The following SLC3A1 variants were observed in gnomAD, a reference collection of about 807,000 sequenced individuals.
SLC3A1 encodes the protein solute carrier family 3 member 1, also known as amino acid transporter heavy chain SLC3A1.
In SLC3A1, 78 loss-of-function variants were observed where a neutral mutation model predicts 60.3. That is an observed-to-expected ratio of 1.29 (90% CI 1.08 to 1.56). SLC3A1 has a LOEUF of 1.56. SLC3A1 is among the 40% of genes most tolerant of loss of function. The pLI is 0.00. For missense variants in SLC3A1, 1,172 were observed against 858.9 expected (o/e 1.36, Z -4.56); for synonymous variants, 392 against 307.9 (o/e 1.27, Z -2.86).
rs1464936895 is a variant in SLC3A1 at position 44,278,288 on chromosome 2, T to C, written c.430+2323T>C. ...TGAAACCCCGTCTCTACTAAAAAAATACAAAAAAAATCAGCTGGGCGTGGT... is the reference window on the plus strand; with the variant it reads ...TGAAACCCCGTCTCTACTAAAAAAACACAAAAAAAATCAGCTGGGCGTGGT... On this transcript the variant is annotated intron_variant, in intron 1 of 9. Transcript: ENST00000260649. Among the ~76,000 whole-genome samples the C allele has an allele frequency of 4.0e-5, 6 of 151,104 alleles. No homozygotes were observed. The South Asian group carries it at 1.3e-3, about 32-fold the overall frequency.
rs1305070369 is a variant in SLC3A1 at position 44,320,823 on chromosome 2, A to C, written c.*184A>C. 5 of 628,690 alleles carry C rather than the reference A, an allele frequency of 8.0e-6. 1 individual carries two copies. Among genetic ancestry groups the C allele is most frequent in the South Asian group, 7.6e-5 (4 of 52,528 alleles). 38.9% of individuals were successfully genotyped at this position (628,690 alleles called of 1,614,324 possible). On this transcript the variant is annotated 3_prime_UTR_variant, in exon 10 of 10. Coordinates refer to ENST00000260649, the MANE Select transcript of SLC3A1 (RefSeq NM_000341.4). ...GAAAAAAATAAAATGTTTAAAAGTA[A>C]ATTATGGCTTATAGGAGCTTATAAC...
At chr2:44,313,104 C>A (rs1447144187) in intron 8 of SLC3A1, among the ~76,000 whole-genome samples, 3 of 152,122 alleles carry the variant, frequency 2.0e-5, no homozygotes, top group Admixed American at 2.0e-4. Context: ...GAATATGACT[C>A]ATTTCCCTCT....
At chr2:44,298,664 C>T (rs1431543679) in intron 4 of SLC3A1, among the ~76,000 whole-genome samples, 2 of 152,174 alleles carry the variant, frequency 1.3e-5, no homozygotes, top group East Asian at 1.9e-4. Context: ...AGGCGTGAGC[C>T]GCTGCGCCCG....
At position 44,281,508 on chromosome 2, in the gene SLC3A1, T is replaced by C. The variant is rs1671499422; in HGVS notation, c.732T>C (p.His244=). 3 of 1,614,010 alleles carry C rather than the reference T, an allele frequency of 1.9e-6. No individual in the cohort carries two copies. The highest frequency in any genetic ancestry group is 2.2e-5 in the East Asian group (1 of 44,890). The part of the protein sequence containing the change: ...TDYYIWHDCT[H]ENGKTIPPNN... ...ATTATATCTGGCATGACTGTACCCA[T>C]GAAAATGGCAAAACCATTCCACCCA... The change falls in exon 3 of 10, where the codon CAT becomes CAC. Residue 244 remains histidine, a synonymous_variant. Transcript: ENST00000260649.
intron 4 of SLC3A1, among the ~76,000 whole-genome samples, chr2:44,291,534 G>C: frequency 6.6e-6 from 1 of 152,186 alleles, no homozygotes; most frequent in East Asian, 1.9e-4. Context: ...GACTGGTTTA[G>C]AAGATTTACT....
At chr2:44,306,269 C>T (rs932786752) in intron 7 of SLC3A1, among the ~76,000 whole-genome samples, 6 of 152,314 alleles carry the variant, frequency 3.9e-5, no homozygotes, top group African/African-American at 1.4e-4. Context: ...CTATCTTACA[C>T]AGCCTGATGA....
At chr2:44,294,366 G>A (rs1671803190) in intron 4 of SLC3A1, among the ~76,000 whole-genome samples, 1 of 151,740 alleles carries the variant, frequency 6.6e-6, no homozygotes, top group Non-Finnish European at 1.5e-5. Context: ...TTAGCCAGAT[G>A]TGGTGACGGG....
chr2:44,319,638 C>G (rs765153997), intron 9 of SLC3A1: 3 of 152,976 alleles, frequency 2.0e-5, no homozygotes, highest in Non-Finnish European at 4.4e-5. Flanking sequence ...AAAAAGTCTA[C>G]AATTTCTAAC....
rs1672903556 is a variant in SLC3A1, at chr2:44,321,128, A to C, written c.*489A>C. 2.0e-6 allele frequency: 1 copy of C among 509,386 alleles called. No individual in the cohort carries two copies. Among genetic ancestry groups the C allele is most frequent in the Non-Finnish European group, 3.6e-6 (1 of 281,266 alleles). The allele number at this position is 509,386 out of a possible 1,614,324, so 31.6% of individuals were successfully genotyped here. ...CCCTCTACTCCACATCCTTCTAAGG[A>C]GCATGATTTGAAAATTACTTTCCTA... On this transcript the variant is annotated 3_prime_UTR_variant, in exon 10 of 10. Coordinates refer to ENST00000260649, the MANE Select transcript of SLC3A1 (RefSeq NM_000341.4).
chr2:44,302,821 C>T (rs977607745), intron 6 of SLC3A1, among the ~76,000 whole-genome samples: 3 of 152,192 alleles, frequency 2.0e-5, no homozygotes, highest in African/African-American at 4.8e-5. Context: ...AGAAAGTCTT[C>T]ATGGATGTCA....
At chr2:44,297,521 C>T (rs960165603) in intron 4 of SLC3A1, among the ~76,000 whole-genome samples, 2 of 152,172 alleles carry the variant, frequency 1.3e-5, no homozygotes, top group African/African-American at 2.4e-5. Flanking sequence ...TTTGAAATGT[C>T]TTGAAGCTCT....
chr2:44,276,636 G>C lies in SLC3A1; in HGVS notation c.430+671G>C, dbSNP rs539462422. On this transcript the variant is annotated intron_variant, in intron 1 of 9. Transcript: ENST00000260649. ...AGCTACTTGGGAGGCTGAGGTGGGA[G>C]GATCGCTTGAGCCCAGGAGCTCTCA... Among the ~76,000 whole-genome samples, 10 of 152,034 alleles carry C rather than the reference G, an allele frequency of 6.6e-5. No homozygotes were observed. The South Asian group carries it at 2.1e-3, about 32-fold the overall frequency.
chr2:44,299,957 T>C lies in SLC3A1; in HGVS notation c.892-14T>C. On this transcript the variant is annotated splice_polypyrimidine_tract_variant and intron_variant, in intron 4 of 9. Coordinates refer to ENST00000260649, the MANE Select transcript of SLC3A1 (RefSeq NM_000341.4). Reference sequence around the variant, plus strand: ...TAGTTAATGTAACCAAGCATTTTGCTTCTTCATCTTTAGGAAATTTTACGG... The same window carrying C: ...TAGTTAATGTAACCAAGCATTTTGCCTCTTCATCTTTAGGAAATTTTACGG... 1 of 1,613,852 alleles carries C rather than the reference T, an allele frequency of 6.2e-7. No individual in the cohort carries two copies. Among genetic ancestry groups the C allele is most frequent in the South Asian group, 1.1e-5 (1 of 91,062 alleles).
intron 4 of SLC3A1, among the ~76,000 whole-genome samples, chr2:44,296,954 T>G (rs908761450): frequency 1.3e-5 from 2 of 152,208 alleles, no homozygotes; most frequent in African/African-American, 4.8e-5. Flanking sequence ...CTCATTCGCC[T>G]TCTGCCATGA....
chr2:44,294,374 G>A (rs532418916), intron 4 of SLC3A1, among the ~76,000 whole-genome samples: 16 of 151,384 alleles, frequency 1.1e-4, no homozygotes, highest in East Asian at 5.8e-4. Context: ...ATGTGGTGAC[G>A]GGCACCTGTA....
At chr2:44,298,377 C>T (rs554861395) in intron 4 of SLC3A1, among the ~76,000 whole-genome samples, 11 of 147,528 alleles carry the variant, frequency 7.5e-5, no homozygotes, top group Admixed American at 5.9e-4. Context: ...CCTATCCCTG[C>T]CACTGCCTTT....
In SLC3A1 at chr2:44,321,432, A is replaced by T; in HGVS notation, c.*793A>T. On this transcript the variant is annotated 3_prime_UTR_variant, in exon 10 of 10. Transcript: ENST00000260649. ...TCCAAGTTCCTCGTACAGGAATTTA[A>T]TTTGGGCTGTAATCTAAAAGAAACA... 2 of 1,612,700 alleles carry T rather than the reference A, an allele frequency of 1.2e-6. No individual in the cohort carries two copies. The highest frequency in any genetic ancestry group is 1.7e-6 in the Non-Finnish European group (2 of 1,178,948).
intron 4 of SLC3A1, among the ~76,000 whole-genome samples, chr2:44,296,319 G>T (rs923690247): frequency 6.6e-6 from 1 of 152,152 alleles, no homozygotes; most frequent in Non-Finnish European, 1.5e-5. Context: ...AAATAATCCG[G>T]GAGACCTAGG....
At chr2:44,313,813 C>T in intron 8 of SLC3A1, 22 bp from the exon 9 acceptor site, 1 of 1,565,750 alleles carries the variant, frequency 6.4e-7, no homozygotes, top group Non-Finnish European at 8.8e-7. Flanking sequence ...CACTGTTTTC[C>T]CTTTCTGGTC....
Sources: allele counts gnomAD v4.1 joint callset (sites outside exome capture counted in the v4.1 genomes callset), GRCh38; gene constraint gnomAD v4.1.1; transcripts MANE v1.5; gene names NCBI Gene and HGNC (gene_info 2026-07-23, HGNC 2026-07-21).